Variants in SKI observed in about 807,000 individuals in gnomAD.
SKI encodes the protein SKI proto-oncogene.
A neutral mutation model predicts 59.3 loss-of-function variants in SKI; 23 were observed. The ratio of observed to expected loss-of-function variants is 0.39; its 90% CI spans 0.28 to 0.55. The LOEUF (loss-of-function observed/expected upper bound fraction) is 0.55. SKI is among the 20% of genes least tolerant of loss of function. The probability of loss-of-function intolerance (pLI) is 0.67; values close to 1 mark genes in which losing one functional copy is unlikely to be tolerated. For synonymous variants in SKI, 673 were observed against 488.6 expected (o/e 1.38, Z -4.98); for missense variants, 1,017 against 1,038.9 (o/e 0.98, Z 0.29).
chr1:2,285,267 C>G (rs2971436), intron 1 of SKI, among the ~76,000 whole-genome samples: 9,472 of 152,232 alleles, frequency 0.062, 389 homozygotes, highest in Non-Finnish European at 0.096. Context: ...AATCCCAGCA[C>G]TTTGGGAGGC....
intron 1 of SKI, among the ~76,000 whole-genome samples, chr1:2,277,111 A>G (rs1383327039): frequency 1.3e-5 from 2 of 152,216 alleles, no homozygotes; most frequent in African/African-American, 4.8e-5. Flanking sequence ...TTGTTTAAAA[A>G]GAAAGGCTGT....
rs774156457 is a variant in SKI, at chr1:2,270,861, C to T, written c.970-32117C>T. Among the ~76,000 whole-genome samples the T allele has an allele frequency of 3.0e-4, 45 of 152,202 alleles. No individual in the cohort carries two copies. The highest frequency in any genetic ancestry group is 6.3e-4 in the Non-Finnish European group (43 of 68,032). On this transcript the variant is annotated intron_variant, in intron 1 of 6. Coordinates refer to ENST00000378536, the MANE Select transcript of SKI (RefSeq NM_003036.4). The surrounding 1 kb of genome is among the most constrained non-coding windows in gnomAD (Gnocchi z 4.1). ...TGGAGGTGCACAAGTTCACATTTGT[C>T]CCTCTCCTGCCCCAGGGCACCTGGC... is the stretch of plus-strand genomic sequence containing the variant.
chr1:2,300,939 C>CA (rs1640409324), intron 1 of SKI, among the ~76,000 whole-genome samples: 1 of 152,210 alleles, frequency 6.6e-6, no homozygotes. Flanking sequence ...GTTGGGGCCC[C>CA]ACCAGGCAGA....
chr1:2,266,268 C>T (rs190639999), intron 1 of SKI, among the ~76,000 whole-genome samples: 3 of 152,276 alleles, frequency 2.0e-5, no homozygotes, highest in Admixed American at 2.0e-4. Flanking sequence ...GTGACTCTTC[C>T]CCAGCCTCGT....
intron 1 of SKI, among the ~76,000 whole-genome samples, chr1:2,289,591 T>G (rs1466858954): frequency 1.8e-4 from 4 of 21,948 alleles, no homozygotes; most frequent in Admixed American, 6.8e-4. Context: ...GGTGGGGGGG[T>G]GCAGGGCAGG....
chr1:2,306,333 G>A (rs922210028), intron 6 of SKI, 83 bp downstream of exon 6: 6 of 1,306,898 alleles, frequency 4.6e-6, no homozygotes, highest in African/African-American at 3.0e-5. Context: ...TGCCCAGCCG[G>A]AAAGGCCTTG....
chr1:2,249,411 G>A (rs1007612528), intron 1 of SKI, among the ~76,000 whole-genome samples: 1 of 152,258 alleles, frequency 6.6e-6, no homozygotes, highest in Non-Finnish European at 1.5e-5. Context: ...GCTCAGTTCA[G>A]CCTTCAGTGC....
chr1:2,305,427 C>A (rs191111648), intron 5 of SKI, among the ~76,000 whole-genome samples: 26 of 152,250 alleles, frequency 1.7e-4, no homozygotes, highest in African/African-American at 5.8e-4. Context: ...GGGTTGCCGA[C>A]GTGCCCTCCT....
At chr1:2,283,350 G>A (rs543793794) in intron 1 of SKI, among the ~76,000 whole-genome samples, 1 of 102,612 alleles carries the variant, frequency 9.7e-6, no homozygotes, top group African/African-American at 4.5e-5. Flanking sequence ...CAGAGCCTCA[G>A]GGGGGGGAGG....
chr1:2,296,910 C>T (rs897398677), intron 1 of SKI, among the ~76,000 whole-genome samples: 2 of 152,128 alleles, frequency 1.3e-5, no homozygotes, highest in Admixed American at 1.3e-4. Flanking sequence ...TTTAAGGAGG[C>T]CGTGCACAGA....
chr1:2,269,135 T>C lies in SKI; in HGVS notation c.970-33843T>C, dbSNP rs1300491863. Among the ~76,000 whole-genome samples the C allele has an allele frequency of 6.6e-6, 1 of 152,090 alleles. No individual in the cohort carries two copies. The highest frequency in any genetic ancestry group is 6.6e-5 in the Admixed American group (1 of 15,248). On this transcript the variant is annotated intron_variant, in intron 1 of 6. Transcript: ENST00000378536. The surrounding 1 kb of genome is among the most constrained non-coding windows in gnomAD (Gnocchi z 4.7). The stretch of plus-strand genomic sequence containing the variant: ...ACGTTTTATATTTTTTGGGTAGAGA[T>C]GGGGTCTCGCCATGTTGTCCAGGCT...
At chr1:2,262,933 C>T (rs1639419070) in intron 1 of SKI, among the ~76,000 whole-genome samples, 2 of 152,064 alleles carry the variant, frequency 1.3e-5, no homozygotes, top group Admixed American at 6.6e-5. Context: ...CCGAGTCTTG[C>T]TCTGCACCCA....
At chr1:2,295,387 T>C (rs1569842226) in intron 1 of SKI, among the ~76,000 whole-genome samples, 1 of 152,266 alleles carries the variant, frequency 6.6e-6, no homozygotes, top group Non-Finnish European at 1.5e-5. Context: ...TTTTTAAAAT[T>C]AAGACTGTAT....
Position 2,306,639 on chromosome 1 carries a change from C to G in SKI, c.2061C>G (p.Asp687Glu). 2 of 1,544,422 alleles carry G rather than the reference C, an allele frequency of 1.3e-6. No individual in the cohort carries two copies. Among genetic ancestry groups the G allele is most frequent in the South Asian group, 2.4e-5 (2 of 83,656 alleles). ...AEADREQLRA[D>E]LLREREAREH... The stretch of plus-strand genomic sequence containing the variant: ...CGGACCGGGAGCAGCTGCGGGCCGA[C>G]CTGCTGCGGGAGCGCGAGGCCCGGG... Residue 687 changes from aspartate to glutamate, a missense_variant, in exon 7 of 7, where the codon GAC becomes GAG. Asp to Glu is a conservative substitution (Grantham distance 45). Coordinates refer to ENST00000378536, the MANE Select transcript of SKI (RefSeq NM_003036.4).
intron 1 of SKI, among the ~76,000 whole-genome samples, chr1:2,238,102 GGC>G (rs1226024453): frequency 3.9e-5 from 6 of 152,218 alleles, no homozygotes; most frequent in African/African-American, 1.4e-4. Context: ...CTCCAGGGTG[GGC>G]ATCCTTGGCT....
At chr1:2,304,231 TC>T (rs1215681315) in intron 4 of SKI, 61 bp from the exon 5 acceptor site, 2 of 1,553,536 alleles carry the variant, frequency 1.3e-6, no homozygotes, top group African/African-American at 2.7e-5. Flanking sequence ...GCGGCGCGTC[TC>T]CCTGGTGTGG....
rs1638592608 is a variant in SKI, at chr1:2,229,861, C to T, written c.969+126C>T. On this transcript the variant is annotated intron_variant, in intron 1 of 6. Transcript: ENST00000378536. The surrounding 1 kb of genome is among the most constrained non-coding windows in gnomAD (Gnocchi z 6.3). ...TGCCGTGCCCCATGTCTCCAGTCTT[C>T]GCTTTGTTTTAGGGAAATTCAGAGT... 1.3e-6 allele frequency: 2 copies of T among 1,496,068 alleles called. No homozygotes were observed. The highest frequency in any genetic ancestry group is 2.5e-5 in the South Asian group (2 of 79,974). The allele number at this position is 1,496,068 out of a possible 1,614,324, so 92.7% of individuals were successfully genotyped here. A position where few individuals can be genotyped will look rare whatever the true frequency, so the allele number is the denominator to read the frequency against.
chr1:2,302,177 C>G (rs1640441318), intron 1 of SKI, among the ~76,000 whole-genome samples: 1 of 152,152 alleles, frequency 6.6e-6, no homozygotes, highest in South Asian at 2.1e-4. Context: ...ACACCTGGTT[C>G]TGAGTGGGCT....
At chr1:2,304,202 T>C in intron 4 of SKI, 91 bp from the exon 5 acceptor site, 1 of 1,568,160 alleles carries the variant, frequency 6.4e-7, no homozygotes, top group South Asian at 1.2e-5. Context: ...GGCCCCATGT[T>C]TCGCAGGTTC....
Sources: gnomAD v4.1 joint callset for allele counts (sites outside exome capture counted in the v4.1 genomes callset) on GRCh38, gnomAD v4.1.1 for gene constraint, Gnocchi (gnomAD v3.1) non-coding constraint, MANE v1.5 for transcripts, NCBI Gene and HGNC (gene_info 2026-07-23, HGNC 2026-07-21) for gene names.